Variants in TEX9 observed in about 807,000 individuals in gnomAD.
TEX9 encodes testis-expressed protein 9.
TEX9 carries 74 observed loss-of-function variants against 59.6 expected under a neutral mutation model. The ratio of observed to expected loss-of-function variants is 1.24; its 90% CI spans 1.03 to 1.51. The LOEUF is 1.51. Among genes scored for constraint, TEX9 ranks in the 40% most tolerant of loss-of-function variants. The pLI is 0.00. For missense variants in TEX9, 522 were observed against 447.8 expected (o/e 1.17, Z -1.49); for synonymous variants, 186 against 152.2 (o/e 1.22, Z -1.64).
intron 11 of TEX9, 70 bp from the exon 12 acceptor site, chr15:56,428,297 A>G (rs1157525986): frequency 1.8e-6 from 2 of 1,115,846 alleles, no homozygotes; most frequent in East Asian, 4.7e-5. Flanking sequence ...ACACATTTTT[A>G]CAAACTTCCT....
intron 1 of TEX9, among the ~76,000 whole-genome samples, chr15:56,271,211 A>G (rs1163427120): frequency 6.6e-6 from 1 of 152,138 alleles, no homozygotes; most frequent in Admixed American, 6.5e-5. Context: ...GTTCTCCTGG[A>G]TAATATCCTG....
At chr15:56,427,878 A>G (rs2050388863) in intron 11 of TEX9, 139 bp downstream of exon 11, 2 of 622,308 alleles carry the variant, frequency 3.2e-6, no homozygotes, top group Admixed American at 6.5e-5. Context: ...ATATGAAATC[A>G]TATGAAATCT....
At chr15:56,360,728 T>C (rs1325653537), upstream of TEX9, among the ~76,000 whole-genome samples, 1 of 152,162 alleles carries the variant, frequency 6.6e-6, no homozygotes, top group Non-Finnish European at 1.5e-5. Context: ...CTTTGATATA[T>C]AAAAAACTAA....
intron 1 of TEX9, among the ~76,000 whole-genome samples, chr15:56,300,648 G>C (rs1338039304): frequency 1.3e-5 from 2 of 149,652 alleles, no homozygotes; most frequent in African/African-American, 5.0e-5. Flanking sequence ...CCACAGGGGT[G>C]CTTGTGTCAT....
chr15:56,399,740 C>T (rs1438313352), intron 9 of TEX9, among the ~76,000 whole-genome samples: 1 of 152,146 alleles, frequency 6.6e-6, no homozygotes, highest in East Asian at 1.9e-4. Flanking sequence ...TAGGTGGGTA[C>T]CCCTCTGGGA....
At chr15:56,402,916 C>G (rs1417565870) in intron 9 of TEX9, among the ~76,000 whole-genome samples, 1 of 152,120 alleles carries the variant, frequency 6.6e-6, no homozygotes, top group Non-Finnish European at 1.5e-5. Context: ...CAGAAAAGGC[C>G]TTTGACAAAA....
intron 1 of TEX9, among the ~76,000 whole-genome samples, chr15:56,315,497 G>T (rs2045733489): frequency 6.6e-6 from 1 of 150,404 alleles, no homozygotes; most frequent in South Asian, 2.1e-4. Flanking sequence ...CTTCTGGCTT[G>T]TAGGGTTTCT....
chr15:56,244,348 G>A (rs1035998021), intron 1 of TEX9: 7 of 152,116 alleles, frequency 4.6e-5, no homozygotes, highest in African/African-American at 1.7e-4. Context: ...CACCCTTTAG[G>A]TAATTCGGTC....
chr15:56,432,660 G>C (rs1224518126), intron 12 of TEX9, among the ~76,000 whole-genome samples: 4 of 152,106 alleles, frequency 2.6e-5, no homozygotes, highest in Non-Finnish European at 4.4e-5. Context: ...TTTCCATTTA[G>C]TTTTTAGTCT....
chr15:56,417,364 C>G (rs994930257), intron 10 of TEX9, among the ~76,000 whole-genome samples: 13 of 151,850 alleles, frequency 8.6e-5, no homozygotes, highest in African/African-American at 2.9e-4. Flanking sequence ...TTAACTCTCC[C>G]TTAGCTGTGT....
At chr15:56,324,073 T>C (rs1215227161) in intron 1 of TEX9, among the ~76,000 whole-genome samples, 4 of 152,178 alleles carry the variant, frequency 2.6e-5, no homozygotes, top group Admixed American at 1.3e-4. Flanking sequence ...CAGGTTCTTA[T>C]TGGTGCACAG....
chr15:56,405,137 A>C (rs1312920713), intron 9 of TEX9, among the ~76,000 whole-genome samples: 8 of 152,010 alleles, frequency 5.3e-5, no homozygotes, highest in Admixed American at 2.0e-4. Flanking sequence ...ATATTAATAA[A>C]AAAAATTAAA....
chr15:56,395,020 C>T lies in TEX9; in HGVS notation c.828+186C>T, dbSNP rs900455957. The T allele has an allele frequency of 1.6e-5, 10 of 607,664 alleles. No homozygotes were observed. In the Admixed American group the frequency reaches 2.1e-4, roughly 13 times the overall value. 37.6% of individuals were successfully genotyped at this position (607,664 alleles called of 1,614,324 possible). A position where few individuals can be genotyped will look rare whatever the true frequency, so the allele number is the denominator to read the frequency against. On this transcript the variant is annotated intron_variant, in intron 9 of 12. Coordinates refer to ENST00000352903, the Ensembl canonical transcript of TEX9. ...ATGTAATTCACCCTTTTAAAGTATG[C>T]AATTCAATGGCTTTTGGTGTATTCA...
At chr15:56,414,421 A>G (rs61181469) in intron 10 of TEX9, among the ~76,000 whole-genome samples, 2 of 151,492 alleles carry the variant, frequency 1.3e-5, no homozygotes, top group South Asian at 4.2e-4. Flanking sequence ...GTAGACCCCA[A>G]TGTCTGTTTC....
chr15:56,420,557 T>C (rs1360683834), intron 10 of TEX9, among the ~76,000 whole-genome samples: 1 of 151,972 alleles, frequency 6.6e-6, no homozygotes, highest in East Asian at 1.9e-4. Flanking sequence ...CTGCCCGCTT[T>C]GACCTCCTAA....
At chr15:56,428,977 G>GTGA in intron 12 of TEX9, 1 of 566,364 alleles carries the variant, frequency 1.8e-6, no homozygotes, top group Non-Finnish European at 3.1e-6. Context: ...ATGAAATTCA[G>GTGA]TGATGATTTA....
intron 1 of TEX9, chr15:56,323,674 GGAA>G (rs1464252342): frequency 6.5e-6 from 1 of 154,796 alleles, no homozygotes; most frequent in Non-Finnish European, 1.4e-5. Context: ...AGGAGGAAGA[GGAA>G]GAGGAAGAAG....
chr15:56,261,967 C>G (rs1416433619), intron 1 of TEX9, among the ~76,000 whole-genome samples: 4 of 152,096 alleles, frequency 2.6e-5, no homozygotes, highest in African/African-American at 9.7e-5. Flanking sequence ...TACTGGAATT[C>G]CACCTTCTGG....
At chr15:56,439,691 C>T (rs950648421) in intron 12 of TEX9, among the ~76,000 whole-genome samples, 2 of 150,530 alleles carry the variant, frequency 1.3e-5, no homozygotes, top group South Asian at 2.1e-4. Flanking sequence ...TAAGTCTCAT[C>T]GTTTGTACCA....
Sources: gnomAD v4.1 joint callset for allele counts (sites outside exome capture counted in the v4.1 genomes callset) on GRCh38, gnomAD v4.1.1 for gene constraint, MANE v1.5 for transcripts, NCBI Gene and HGNC (gene_info 2026-07-23, HGNC 2026-07-21) for gene names.